Variants in CIITA observed in about 807,000 individuals in gnomAD.
The protein encoded by CIITA is class II major histocompatibility complex transactivator.
A neutral mutation model predicts 115.1 loss-of-function variants in CIITA; 72 were observed. That is an observed-to-expected ratio of 0.63 (90% CI 0.52 to 0.76). The LOEUF is 0.76. Among genes scored for constraint, CIITA ranks in the 30% least tolerant of loss-of-function variants. The pLI, the probability that CIITA is intolerant of heterozygous loss-of-function variation, is 0.00. For synonymous variants in CIITA, 763 were observed against 635.6 expected, an observed-to-expected ratio of 1.20 and a Z score of -3.02; for missense variants, 1,617 against 1,463.8, an observed-to-expected ratio of 1.10 and a Z score of -1.71.
At chr16:10,899,139 G>C in intron 5 of CIITA, 137 bp downstream of exon 5, 1 of 788,676 alleles carries the variant, frequency 1.3e-6, no homozygotes, top group Non-Finnish European at 2.2e-6. Flanking sequence ...AAGCCAACAG[G>C]AGCCTTAAAA....
In CIITA at chr16:10,907,425, C is replaced by T; in HGVS notation, c.1933C>T (p.Leu645=). The T allele has an allele frequency of 6.2e-7, 1 of 1,613,030 alleles. No homozygotes were observed. Among genetic ancestry groups the T allele is most frequent in the Non-Finnish European group, 8.5e-7 (1 of 1,179,828 alleles). ...GCTCACGGGACTCTATGTCGGCCTG[C>T]TGGGCCGTGCAGCCCTCGACAGCCC... ...STLTGLYVGL[L]GRAALDSPPG... The change falls in exon 11 of 20, where the codon CTG becomes TTG. Residue 645 remains leucine (L), a synonymous_variant. Coordinates refer to ENST00000324288, the MANE Select transcript of CIITA (RefSeq NM_000246.4). The surrounding 1 kb of genome is among the most constrained non-coding windows in gnomAD (Gnocchi z 5.0).
In CIITA at chr16:10,933,342, C is replaced by A. The variant is rs886366560; in HGVS notation, c.*9487C>A. 1 of 152,286 alleles carries A rather than the reference C, an allele frequency of 6.6e-6. No homozygotes were observed. The highest frequency in any genetic ancestry group is 1.9e-4 in the East Asian group (1 of 5,206). The allele number at this position is 152,286 out of a possible 1,614,324, so 9.4% of individuals were successfully genotyped here. On this transcript the variant is annotated 3_prime_UTR_variant, in exon 20 of 20. Coordinates refer to ENST00000324288, the MANE Select transcript of CIITA (RefSeq NM_000246.4). The stretch of plus-strand genomic sequence containing the variant: ...GGCTTAAGTAAGAAGATGGCCCTGG[C>A]GTTTTACGCGCACTGGTGGGTGAGG...
In CIITA at chr16:10,924,697, G is replaced by A. The variant is rs149797059; in HGVS notation, c.*842G>A. On this transcript the variant is annotated 3_prime_UTR_variant, in exon 20 of 20. Coordinates refer to ENST00000324288, the MANE Select transcript of CIITA (RefSeq NM_000246.4). ...TTTTGTCTATGGGACTCAATGCACTGACATTGTTGGCCAAAGCCAAAGCTA... is the reference window on the plus strand; with the variant it reads ...TTTTGTCTATGGGACTCAATGCACTAACATTGTTGGCCAAAGCCAAAGCTA... 1 of 152,368 alleles carries A rather than the reference G, an allele frequency of 6.6e-6. No individual in the cohort carries two copies. The highest frequency in any genetic ancestry group is 1.9e-4 in the East Asian group (1 of 5,194). The allele number at this position is 152,368 out of a possible 1,614,324, so 9.4% of individuals were successfully genotyped here.
intron 15 of CIITA, 94 bp from the exon 16 acceptor site, chr16:10,918,346 G>A (rs534905562): frequency 2.8e-5 from 30 of 1,088,754 alleles, no homozygotes; most frequent in South Asian, 6.2e-5. Flanking sequence ...TGTCGACAGC[G>A]CCATTCACAG....
At chr16:10,895,613 C>A in intron 2 of CIITA, 56 bp from the exon 3 acceptor site, 1 of 1,606,578 alleles carries the variant, frequency 6.2e-7, no homozygotes, top group South Asian at 1.1e-5. Context: ...CCCTCGTTCC[C>A]CACCAGCCCT....
Position 10,901,842 on chromosome 16 carries a change from G to C in CIITA, c.482-196G>C. The C allele has an allele frequency of 1.2e-6, 1 of 828,592 alleles. No individual in the cohort carries two copies. The highest frequency in any genetic ancestry group is 2.0e-6 in the Non-Finnish European group (1 of 507,438). 51.3% of individuals were successfully genotyped at this position (828,592 alleles called of 1,614,324 possible). On this transcript the variant is annotated intron_variant, in intron 6 of 19. Coordinates refer to ENST00000324288, the MANE Select transcript of CIITA (RefSeq NM_000246.4). This position sits in a 1 kb window ranked among gnomAD's most constrained non-coding sequence, Gnocchi z 6.8. ...AGGGTCCTGCTCAGCATAGCTCTCA[G>C]AGCCAAGTCACAAGGAGAGGACTGG...
chr16:10,916,004 C>T (rs1425206868), intron 14 of CIITA, among the ~76,000 whole-genome samples: 1 of 152,200 alleles, frequency 6.6e-6, no homozygotes, highest in Non-Finnish European at 1.5e-5. Flanking sequence ...CTTTGAAACT[C>T]CTTTCCTCAC....
chr16:10,887,120 A>G (rs2037028625), intron 1 of CIITA, among the ~76,000 whole-genome samples: 1 of 151,966 alleles, frequency 6.6e-6, no homozygotes, highest in South Asian at 2.1e-4. Flanking sequence ...TTGAGCTACT[A>G]CCCCCACAAA....
At position 10,895,263 on chromosome 16, in the gene CIITA, G is replaced by A; in HGVS notation, c.53-19G>A. On this transcript the variant is annotated intron_variant, in intron 1 of 19. Transcript: ENST00000324288. Reference sequence around the variant, plus strand: ...TTCCAACACCCTGTGAGGTGACTGAGCATTGTCTTCCCTCCCAGGCAGCTC... The same window carrying A: ...TTCCAACACCCTGTGAGGTGACTGAACATTGTCTTCCCTCCCAGGCAGCTC... 1.2e-6 allele frequency: 2 copies of A among 1,613,420 alleles called. No homozygotes were observed. Among genetic ancestry groups the A allele is most frequent in the Non-Finnish European group, 1.7e-6 (2 of 1,180,000 alleles).
At chr16:10,883,909 C>A (rs1006368430) in intron 1 of CIITA, among the ~76,000 whole-genome samples, 1 of 152,176 alleles carries the variant, frequency 6.6e-6, no homozygotes, top group Non-Finnish European at 1.5e-5. Flanking sequence ...CATCTACCTC[C>A]GTCCTCCCAT....
intron 15 of CIITA, among the ~76,000 whole-genome samples, chr16:10,917,433 C>T (rs2040016126): frequency 6.6e-6 from 1 of 151,136 alleles, no homozygotes; most frequent in Non-Finnish European, 1.5e-5. Context: ...CTCTGCCTCC[C>T]AAAGTACTGG....
intron 11 of CIITA, 108 bp downstream of exon 11, chr16:10,908,257 G>C (rs111917516): frequency 2.3e-6 from 3 of 1,308,818 alleles, no homozygotes; most frequent in Non-Finnish European, 3.2e-6. Flanking sequence ...CAGAGCAGCC[G>C]GGTGGGGCAG....
chr16:10,882,308 T>G (rs2036509657), intron 1 of CIITA, among the ~76,000 whole-genome samples: 1 of 152,224 alleles, frequency 6.6e-6, no homozygotes, highest in Non-Finnish European at 1.5e-5. Flanking sequence ...GCCTGCAGTT[T>G]GGGAAACCGG....
At chr16:10,921,553 C>A (rs1284068372) in intron 16 of CIITA, among the ~76,000 whole-genome samples, 1 of 152,242 alleles carries the variant, frequency 6.6e-6, no homozygotes, top group Non-Finnish European at 1.5e-5. Flanking sequence ...CTCCTCCCCA[C>A]AATGACTCTA....
intron 1 of CIITA, among the ~76,000 whole-genome samples, chr16:10,886,020 T>A (rs1463955614): frequency 6.6e-6 from 1 of 151,968 alleles, no homozygotes; most frequent in Non-Finnish European, 1.5e-5. Flanking sequence ...CAGGTGTATC[T>A]TTCTGTTTGT....
intron 15 of CIITA, 143 bp downstream of exon 15, chr16:10,916,602 T>C: frequency 1.7e-5 from 13 of 747,488 alleles, no homozygotes; most frequent in Non-Finnish European, 3.0e-5. Flanking sequence ...ATCATACCTC[T>C]GCAGCCTTGA....
rs762135823 is a variant in CIITA, at chr16:10,920,814, G to A, written c.3150-1353G>A. 2.6e-5 allele frequency among the ~76,000 whole-genome samples: 4 copies of A among 152,210 alleles called. No homozygotes were observed. The highest frequency in any genetic ancestry group is 5.9e-5 in the Non-Finnish European group (4 of 68,030). ...TTTCTGCACTGGTACCGGCCGACCC[G>A]TGATGTGAGTTGATTTAGCCTGAAT... On this transcript the variant is annotated intron_variant, in intron 16 of 19. Transcript: ENST00000324288. This position sits in a 1 kb window ranked among gnomAD's most constrained non-coding sequence, Gnocchi z 4.5.
At chr16:10,886,057 C>CTTT (rs71133402) in intron 1 of CIITA, among the ~76,000 whole-genome samples, 175 of 132,176 alleles carry the variant, frequency 1.3e-3, no homozygotes, top group Middle Eastern at 3.7e-3. Context: ...CATGTTTTGC[C>CTTT]TTTTTTTTTT....
intron 1 of CIITA, among the ~76,000 whole-genome samples, chr16:10,889,246 G>A (rs2144014917): frequency 6.6e-6 from 1 of 152,288 alleles, no homozygotes; most frequent in South Asian, 2.1e-4. Context: ...CAATGAAGGG[G>A]CCTTTGAAGC....
Sources: gnomAD v4.1 joint callset for allele counts (sites outside exome capture counted in the v4.1 genomes callset) on GRCh38, gnomAD v4.1.1 for gene constraint, Gnocchi (gnomAD v3.1) non-coding constraint, MANE v1.5 for transcripts, NCBI Gene and HGNC (gene_info 2026-07-23, HGNC 2026-07-21) for gene names.